SLC3A2: variants seen among roughly 807,000 people sequenced by gnomAD.
The protein encoded by SLC3A2 is amino acid transporter heavy chain SLC3A2.
A neutral mutation model predicts 48.5 loss-of-function variants in SLC3A2; 32 were observed. The ratio of observed to expected loss-of-function variants is 0.66; its 90% confidence interval spans 0.50 to 0.89. The LOEUF (loss-of-function observed/expected upper bound fraction) is 0.89, where lower values mean the gene tolerates loss of function less well. Ranked by LOEUF, SLC3A2 falls within the 40% of genes least tolerant of loss-of-function variation. The pLI is 0.00. For missense variants in SLC3A2, 587 were observed against 680.7 expected, an observed-to-expected ratio of 0.86 and a Z score of 1.53; for synonymous variants, 277 against 288.8, an observed-to-expected ratio of 0.96 and a Z score of 0.41.
chr11:62,861,697 C>T (rs1184585129), intron 1 of SLC3A2, among the ~76,000 whole-genome samples: 1 of 152,080 alleles, frequency 6.6e-6, no homozygotes, highest in Non-Finnish European at 1.5e-5. Context: ...GTGTGGATCA[C>T]TTGAGGTTGG....
chr11:62,862,422 A>C (rs2085410178), intron 1 of SLC3A2, among the ~76,000 whole-genome samples: 1 of 145,732 alleles, frequency 6.9e-6, no homozygotes, highest in South Asian at 2.2e-4. Flanking sequence ...GGCGAAGGTG[A>C]GAGGGTCCCT....
At chr11:62,856,145 C>G (rs2085315592) in exon 1 of SLC3A2, 1 of 700,688 alleles carries the variant, frequency 1.4e-6, no homozygotes, top group Non-Finnish European at 2.3e-6. Context: ...GTGCATGTGG[C>G]AGGAGCGGTG....
At chr11:62,869,392 C>T (rs1461553459) in intron 1 of SLC3A2, among the ~76,000 whole-genome samples, 6 of 150,940 alleles carry the variant, frequency 4.0e-5, no homozygotes, top group Non-Finnish European at 5.9e-5. Context: ...GGCGTGGTGG[C>T]GGGCGCCTGT....
intron 1 of SLC3A2, among the ~76,000 whole-genome samples, chr11:62,859,322 C>T (rs2085373079): frequency 6.6e-6 from 1 of 152,174 alleles, no homozygotes; most frequent in Admixed American, 6.5e-5. Flanking sequence ...GAGTTTGACA[C>T]AGCACATGTT....
intron 1 of SLC3A2, chr11:62,871,441 C>T (rs898702572): frequency 6.8e-5 from 23 of 337,598 alleles, no homozygotes; most frequent in Non-Finnish European, 1.0e-4. Flanking sequence ...AGTTTTGCCT[C>T]ATTGGCCAGC....
At position 62,882,860 on chromosome 11, in the gene SLC3A2, C is replaced by A; in HGVS notation, c.599-48C>A. Reference sequence around the variant, plus strand: ...TGCATTTGTGATTTCCTTATTTTCCCTTAACTCATAGACTGTCTCATGATT... The same window carrying A: ...TGCATTTGTGATTTCCTTATTTTCCATTAACTCATAGACTGTCTCATGATT... On this transcript the variant is annotated intron_variant, in intron 2 of 8. Coordinates refer to ENST00000338663, the MANE Select transcript of SLC3A2 (RefSeq NM_001013251.3). 2.1e-6 allele frequency: 3 copies of A among 1,442,792 alleles called. No homozygotes were observed. In the South Asian group the frequency reaches 3.4e-5, roughly 16 times the overall value. 89.4% of individuals were successfully genotyped at this position (1,442,792 alleles called of 1,614,324 possible).
chr11:62,887,100 C>T (rs1000281707), intron 7 of SLC3A2, among the ~76,000 whole-genome samples: 14 of 152,104 alleles, frequency 9.2e-5, no homozygotes, highest in Non-Finnish European at 1.6e-4. Flanking sequence ...AGAATAATTT[C>T]TGTCTGTTAC....
intron 1 of SLC3A2, among the ~76,000 whole-genome samples, chr11:62,857,202 A>G (rs539488679): frequency 1.5e-4 from 22 of 146,524 alleles, no homozygotes; most frequent in Non-Finnish European, 3.2e-4. Context: ...GTTCACTGCA[A>G]CCTCCGCTTC....
Position 62,888,588 on chromosome 11 carries a change from G to C in SLC3A2, c.1485G>C (p.Leu495=), listed in dbSNP as rs2085747238. ...GCCTGCCAGCCAAGGCTGACCTCCT[G>C]CTCAGCACCCAGCCAGGCCGTGAGG... ...SASLPAKADL[L]LSTQPGREEG... The change falls in exon 9 of 9, where the codon CTG becomes CTC. Residue 495 remains leucine (L), a synonymous_variant. Coordinates refer to ENST00000338663, the MANE Select transcript of SLC3A2 (RefSeq NM_001013251.3). 1 of 1,613,402 alleles carries C rather than the reference G, an allele frequency of 6.2e-7. No homozygotes were observed. Among genetic ancestry groups the C allele is most frequent in the African/African-American group, 1.3e-5 (1 of 74,940 alleles).
chr11:62,884,348 C>T (rs368223843), intron 3 of SLC3A2, 109 bp from the exon 4 acceptor site: 2 of 1,226,788 alleles, frequency 1.6e-6, no homozygotes, highest in African/African-American at 3.0e-5. Context: ...ACAGGACTCT[C>T]CCCAGCTCCC....
intron 1 of SLC3A2, among the ~76,000 whole-genome samples, chr11:62,865,067 C>G: frequency 6.6e-6 from 1 of 152,144 alleles, no homozygotes; most frequent in Non-Finnish European, 1.5e-5. Flanking sequence ...GTTTCCAGGT[C>G]TCAATGTCAG....
Position 62,881,281 on chromosome 11 carries a change from G to C in SLC3A2, c.258G>C (p.Leu86=). 1 of 1,589,350 alleles carries C rather than the reference G, an allele frequency of 6.3e-7. No individual in the cohort carries two copies. The highest frequency in any genetic ancestry group is 1.1e-5 in the South Asian group (1 of 87,858). Residue 86 remains leucine, a synonymous_variant, in exon 1 of 9, where the codon CTG becomes CTC. Transcript: ENST00000338663. This position sits in a 1 kb window ranked among gnomAD's most constrained non-coding sequence, Gnocchi z 4.0. ...GWVRTRWALL[L]LFWLGWLGML... ...TACGCACCCGCTGGGCACTGCTGCT[G>C]CTCTTCTGGCTCGGCTGGCTCGGCA...
Position 62,882,964 on chromosome 11 carries a change from T to C in SLC3A2, c.655T>C (p.Ser219Pro). The part of the protein sequence containing the change: ...PNYRGENSWF[S>P]TQVDTVATKV... Reference sequence around the variant, plus strand: ...CTACCGGGGTGAGAACTCGTGGTTCTCCACTCAGGTTGACACTGTGGCCAC... The same window carrying C: ...CTACCGGGGTGAGAACTCGTGGTTCCCCACTCAGGTTGACACTGTGGCCAC... The change falls in exon 3 of 9, where the codon TCC becomes CCC. Residue 219 changes from serine to proline, a missense_variant. Physicochemically the swap from Ser to Pro is moderately conservative, Grantham distance 74. Coordinates refer to ENST00000338663, the MANE Select transcript of SLC3A2 (RefSeq NM_001013251.3). 1 of 1,614,256 alleles carries C rather than the reference T, an allele frequency of 6.2e-7. No homozygotes were observed. The highest frequency in any genetic ancestry group is 8.5e-7 in the Non-Finnish European group (1 of 1,180,046).
chr11:62,865,879 A>G (rs1057431064), intron 1 of SLC3A2, among the ~76,000 whole-genome samples: 2 of 151,934 alleles, frequency 1.3e-5, no homozygotes, highest in East Asian at 3.9e-4. Flanking sequence ...GTGTTGGGAG[A>G]TACTTCCCCG....
rs554327109 is a variant in SLC3A2, at chr11:62,881,604, C to T, written c.424+157C>T. ...CCCCACCCCCTCCCCGGCACATTGT[C>T]CTTCCCTCCTTTCTTTGAAGAAAGC... On this transcript the variant is annotated intron_variant, in intron 1 of 8. Transcript: ENST00000338663. This position sits in a 1 kb window ranked among gnomAD's most constrained non-coding sequence, Gnocchi z 4.0. The T allele has an allele frequency of 1.9e-6, 2 of 1,044,344 alleles. No homozygotes were observed. The highest frequency in any genetic ancestry group is 1.7e-5 in the South Asian group (1 of 58,396). The allele number at this position is 1,044,344 out of a possible 1,614,324, so 64.7% of individuals were successfully genotyped here.
At chr11:62,866,415 G>A (rs766497257) in intron 1 of SLC3A2, among the ~76,000 whole-genome samples, 9 of 151,316 alleles carry the variant, frequency 5.9e-5, no homozygotes, top group Non-Finnish European at 1.3e-4. Context: ...TGGCAGGTGG[G>A]GGGGTGGTCT....
Position 62,884,616 on chromosome 11 carries a change from G to A in SLC3A2, c.760-16G>A. The A allele has an allele frequency of 1.2e-6, 2 of 1,611,380 alleles. No individual in the cohort carries two copies. On this transcript the variant is annotated splice_polypyrimidine_tract_variant and intron_variant, in intron 4 of 8. Coordinates refer to ENST00000338663, the MANE Select transcript of SLC3A2 (RefSeq NM_001013251.3). ...ATAATATTCTCTGGTCCTTGATTCT[G>A]CTTTTTTCTTTCTAGGATGCATCCT...
chr11:62,873,269 A>C (rs2085536204), intron 1 of SLC3A2, among the ~76,000 whole-genome samples: 1 of 151,904 alleles, frequency 6.6e-6, no homozygotes. Flanking sequence ...CGGGCAGATC[A>C]TGAGGTCAGG....
chr11:62,856,788 C>T (rs985253781), intron 1 of SLC3A2, among the ~76,000 whole-genome samples: 3 of 151,746 alleles, frequency 2.0e-5, no homozygotes, highest in African/African-American at 7.3e-5. Flanking sequence ...TGGTAAACAT[C>T]TACGTGTACA....
Sources: gnomAD v4.1 joint callset for allele counts (sites outside exome capture counted in the v4.1 genomes callset) on GRCh38, gnomAD v4.1.1 for gene constraint, Gnocchi (gnomAD v3.1) non-coding constraint, MANE v1.5 for transcripts, NCBI Gene and HGNC (gene_info 2026-07-23, HGNC 2026-07-21) for gene names.